The following SLC14A2 variants were observed in gnomAD, a reference collection of about 807,000 sequenced individuals.
SLC14A2 encodes the protein solute carrier family 14 member 2.
Under a neutral mutation model 104.6 loss-of-function variants are expected in SLC14A2, and 91 were observed. The ratio of observed to expected loss-of-function variants is 0.87; its 90% confidence interval spans 0.73 to 1.04. SLC14A2 has a LOEUF of 1.04. Ranked by LOEUF, SLC14A2 falls within the 50% of genes least tolerant of loss-of-function variation. The probability of loss-of-function intolerance (pLI) is 0.00; values close to 1 mark genes in which losing one functional copy is unlikely to be tolerated. For missense variants in SLC14A2, 1,189 were observed against 1,156.0 expected (o/e 1.03, Z -0.41); for synonymous variants, 476 against 466.4 (o/e 1.02, Z -0.27).
At chr18:45,210,136 C>A (rs2083949921), upstream of SLC14A2, among the ~76,000 whole-genome samples, 1 of 152,168 alleles carries the variant, frequency 6.6e-6, no homozygotes, top group South Asian at 2.1e-4. Context: ...ATGCCAAGAT[C>A]TAGGGTCTGC....
intron 1 of SLC14A2, among the ~76,000 whole-genome samples, chr18:45,339,663 G>A (rs969332456): frequency 6.6e-6 from 1 of 152,146 alleles, no homozygotes. Flanking sequence ...CTGGATTGTG[G>A]ACAATGAAAA....
At chr18:45,218,206 T>C (rs895773711) in intron 1 of SLC14A2, among the ~76,000 whole-genome samples, 1 of 152,210 alleles carries the variant, frequency 6.6e-6, no homozygotes, top group African/African-American at 2.4e-5. Context: ...GCAACCACCA[T>C]TATTTATGTC....
At chr18:45,579,068 CA>C (rs759747501) in intron 2 of SLC14A2, among the ~76,000 whole-genome samples, 28 of 149,938 alleles carry the variant, frequency 1.9e-4, no homozygotes, top group Admixed American at 1.1e-3. Context: ...ATGGTAGTCA[CA>C]GGTGTCCAAC....
chr18:45,449,682 A>G (rs976805373), intron 1 of SLC14A2, among the ~76,000 whole-genome samples: 12 of 152,192 alleles, frequency 7.9e-5, no homozygotes, highest in Admixed American at 2.6e-4. Context: ...TGATACCATC[A>G]TATTAAGAAG....
intron 2 of SLC14A2, among the ~76,000 whole-genome samples, chr18:45,578,719 C>T (rs914537191): frequency 8.5e-5 from 13 of 152,364 alleles, no homozygotes; most frequent in African/African-American, 3.1e-4. Context: ...GCTTTGCCTC[C>T]TCAAGCCTCT....
intron 2 of SLC14A2, among the ~76,000 whole-genome samples, chr18:45,520,527 G>A (rs2043503211): frequency 6.6e-6 from 1 of 152,166 alleles, no homozygotes; most frequent in Non-Finnish European, 1.5e-5. Context: ...TGCATTTAAA[G>A]TTGCATTTAT....
At chr18:45,181,933 G>A in the SLC14A2 span, among the ~76,000 whole-genome samples, 1 of 151,974 alleles carries the variant, frequency 6.6e-6, no homozygotes, top group South Asian at 2.1e-4. Context: ...AAAAACTTGG[G>A]TTAAGAGGAA....
chr18:45,344,490 A>G (rs1246523111), intron 1 of SLC14A2, among the ~76,000 whole-genome samples: 2 of 152,208 alleles, frequency 1.3e-5, no homozygotes, highest in East Asian at 3.8e-4. Context: ...CTATGTTCAC[A>G]ATTACTAGTT....
rs192162425 is a variant in SLC14A2 at position 45,394,536 on chromosome 18, A to T, written c.-124-88697A>T. 9.2e-5 allele frequency among the ~76,000 whole-genome samples: 14 copies of T among 152,314 alleles called. No individual in the cohort carries two copies. In the South Asian group the frequency reaches 1.2e-3, roughly 14 times the overall value. ...TTTAAGAAATTGTCTATTTTTAAAAATAATGGCCATCCATGCTAACAGGTG... is the reference window on the plus strand; with the variant it reads ...TTTAAGAAATTGTCTATTTTTAAAATTAATGGCCATCCATGCTAACAGGTG... On this transcript the variant is annotated intron_variant, in intron 1 of 20. Coordinates refer to the SLC14A2 transcript ENST00000586448.
intron 2 of SLC14A2, among the ~76,000 whole-genome samples, chr18:45,548,558 G>T (rs796566702): frequency 6.6e-6 from 1 of 152,150 alleles, no homozygotes; most frequent in Non-Finnish European, 1.5e-5. Flanking sequence ...AAAAAAATTA[G>T]CCATGCGTGG....
chr18:45,241,106 C>A (rs1156562677), intron 1 of SLC14A2, among the ~76,000 whole-genome samples: 1 of 152,164 alleles, frequency 6.6e-6, no homozygotes, highest in African/African-American at 2.4e-5. Flanking sequence ...CAGCATGGAG[C>A]ACCCAAGGTG....
chr18:45,368,735 C>T (rs150992959), intron 1 of SLC14A2, among the ~76,000 whole-genome samples: 1,546 of 152,330 alleles, frequency 0.01, 9 homozygotes, highest in Non-Finnish European at 0.015. Flanking sequence ...AGACAAATCA[C>T]AACCTGCTCT....
At chr18:45,417,223 T>C (rs1411782529) in intron 1 of SLC14A2, among the ~76,000 whole-genome samples, 1 of 152,164 alleles carries the variant, frequency 6.6e-6, no homozygotes, top group Non-Finnish European at 1.5e-5. Flanking sequence ...TTCAACAAAT[T>C]ATGGGGTTTT....
At chr18:45,356,107 C>T (rs1336920942) in intron 1 of SLC14A2, among the ~76,000 whole-genome samples, 1 of 152,120 alleles carries the variant, frequency 6.6e-6, no homozygotes, top group African/African-American at 2.4e-5. Context: ...TTCAGACTAC[C>T]TTATCATTGA....
chr18:45,192,938 A>C, the SLC14A2 span, among the ~76,000 whole-genome samples: 2 of 151,916 alleles, frequency 1.3e-5, no homozygotes, highest in African/African-American at 4.8e-5. Context: ...TATAGGCATG[A>C]ACCACCGGGC....
In SLC14A2 at chr18:45,381,617, A is replaced by G. The variant is rs79424490; in HGVS notation, c.-124-101616A>G. On this transcript the variant is annotated intron_variant, in intron 1 of 20. Transcript: ENST00000586448. Reference sequence around the variant, plus strand: ...AGTTTTTGTTGATCCAATTATATGGACTATAAGCTCCTCATAGGAATAGAC... The same window carrying G: ...AGTTTTTGTTGATCCAATTATATGGGCTATAAGCTCCTCATAGGAATAGAC... Among the ~76,000 whole-genome samples the G allele has an allele frequency of 9.7e-3, 1,471 of 152,270 alleles. 51 individuals carry two copies. Among genetic ancestry groups the G allele is most frequent in the East Asian group, 0.088 (455 of 5,178 alleles).
At chr18:45,526,666 A>G (rs779820662) in intron 2 of SLC14A2, among the ~76,000 whole-genome samples, 4 of 152,150 alleles carry the variant, frequency 2.6e-5, no homozygotes, top group Non-Finnish European at 4.4e-5. Flanking sequence ...ACTGAGTCAT[A>G]TAGAGGGGGA....
At chr18:45,338,682 CAAAAAAAAAAAAAA>C (rs59474827) in intron 1 of SLC14A2, among the ~76,000 whole-genome samples, 295 of 51,844 alleles carry the variant, frequency 5.7e-3, no homozygotes, top group Middle Eastern at 0.02. Context: ...CACTGGCTCA[CAAAAAAAAAAAAAA>C]AAAAAAAAAA....
intron 1 of SLC14A2, among the ~76,000 whole-genome samples, chr18:45,620,791 T>C (rs1403477256): frequency 6.6e-6 from 1 of 152,230 alleles, no homozygotes; most frequent in Admixed American, 6.5e-5. Context: ...ATATGATGTA[T>C]ATTATTTTCA....
Sources: gnomAD v4.1 joint callset for allele counts (sites outside exome capture counted in the v4.1 genomes callset) on GRCh38, gnomAD v4.1.1 for gene constraint, MANE v1.5 for transcripts, NCBI Gene and HGNC (gene_info 2026-07-23, HGNC 2026-07-21) for gene names.